Variants in EHHADH observed in about 807,000 individuals in gnomAD.
EHHADH encodes the protein enoyl-CoA hydratase and 3-hydroxyacyl CoA dehydrogenase, also known as peroxisomal bifunctional enzyme.
A neutral mutation model predicts 64.4 loss-of-function variants in EHHADH; 48 were observed. The observed-to-expected ratio is 0.75, with a 90% CI of 0.59 to 0.95. The LOEUF (loss-of-function observed/expected upper bound fraction) is 0.95, where lower values mean the gene tolerates loss of function less well. Among genes scored for constraint, EHHADH ranks in the 40% least tolerant of loss-of-function variants. The pLI is 0.00. For synonymous variants in EHHADH, 308 were observed against 326.7 expected, an observed-to-expected ratio of 0.94 and a Z score of 0.62; for missense variants, 854 against 876.6, an observed-to-expected ratio of 0.97 and a Z score of 0.33.
chr3:185,229,223 A>C (rs1006909792), intron 4 of EHHADH, among the ~76,000 whole-genome samples: 2 of 152,246 alleles, frequency 1.3e-5, no homozygotes, highest in African/African-American at 4.8e-5. Context: ...CTTTCATTTA[A>C]AAGGCTCTCA....
intron 3 of EHHADH, among the ~76,000 whole-genome samples, chr3:185,234,344 C>A (rs2108646421): frequency 6.6e-6 from 1 of 152,296 alleles, no homozygotes. Flanking sequence ...AAACAGAAAT[C>A]TTTGAGTTAT....
chr3:185,237,099 G>T (rs529893500), intron 2 of EHHADH, among the ~76,000 whole-genome samples: 2 of 152,214 alleles, frequency 1.3e-5, no homozygotes, highest in African/African-American at 4.8e-5. Flanking sequence ...ACAGCATAAG[G>T]TTAGTATGAT....
chr3:185,234,220 G>A (rs560893097), intron 3 of EHHADH, among the ~76,000 whole-genome samples: 82 of 152,190 alleles, frequency 5.4e-4, no homozygotes, highest in Non-Finnish European at 6.6e-4. Flanking sequence ...CATCTGACAT[G>A]TCTAACAGCC....
At chr3:185,204,132 CAAA>C (rs1220063126) in intron 6 of EHHADH, among the ~76,000 whole-genome samples, 178 of 30,504 alleles carry the variant, frequency 5.8e-3, no homozygotes, top group African/African-American at 0.016. Flanking sequence ...GACTCTGTCT[CAAA>C]AAAAAAAAAA....
At position 185,229,453 on chromosome 3, in the gene EHHADH, C is replaced by T; in HGVS notation, c.442G>A (p.Ala148Thr). The change falls in exon 4 of 7, where the codon GCA (alanine) becomes ACA (threonine). Residue 148 changes from alanine (A) to threonine (T), a missense_variant. Ala to Thr is a moderately conservative substitution (Grantham distance 58). Coordinates refer to ENST00000231887, the MANE Select transcript of EHHADH (RefSeq NM_001966.4). ...TGACCTGAGGTAATTAAGTCAAGTG[C>T]AGCAGGAACTCCAGTGAGTCTGGGG... is the stretch of plus-strand genomic sequence containing the variant. ...LLPRLTGVPA[A>T]LDLITSGRRI... The T allele has an allele frequency of 6.4e-7, 1 of 1,559,084 alleles. No individual in the cohort carries two copies.
chr3:185,221,601 G>T (rs1718836680), intron 4 of EHHADH, among the ~76,000 whole-genome samples: 1 of 143,742 alleles, frequency 7.0e-6, no homozygotes. Flanking sequence ...TTGAGATGGA[G>T]TCTCACTGTC....
chr3:185,224,496 G>GCGTC (rs1718919932), intron 4 of EHHADH, among the ~76,000 whole-genome samples: 1 of 103,664 alleles, frequency 9.6e-6, no homozygotes, highest in Non-Finnish European at 1.8e-5. Flanking sequence ...ATGAGACCCT[G>GCGTC]TCACCAAAAA....
intron 2 of EHHADH, chr3:185,246,490 GC>G (rs1019308591): frequency 2.7e-5 from 9 of 337,114 alleles, no homozygotes; most frequent in Non-Finnish European, 4.7e-5. Context: ...AGACAGGTCA[GC>G]CCCCAGGCCC....
intron 1 of EHHADH, chr3:185,253,703 C>A: frequency 1.2e-6 from 1 of 860,350 alleles, no homozygotes; most frequent in Non-Finnish European, 1.6e-6. Flanking sequence ...CCTCAGTTTC[C>A]TTATCAGTAA....
chr3:185,220,943 CTAA>C (rs1718816941), intron 4 of EHHADH, among the ~76,000 whole-genome samples: 1 of 152,164 alleles, frequency 6.6e-6, no homozygotes, highest in Admixed American at 6.5e-5. Context: ...GTGTATAATT[CTAA>C]TGTTAGCTTT....
At chr3:185,202,183 C>A (rs1182439948) in intron 6 of EHHADH, among the ~76,000 whole-genome samples, 2 of 152,014 alleles carry the variant, frequency 1.3e-5, no homozygotes, top group African/African-American at 2.4e-5. Context: ...ACTAAAAATA[C>A]AAAAATCAGC....
At chr3:185,225,994 C>G (rs1313305447) in intron 4 of EHHADH, among the ~76,000 whole-genome samples, 1 of 152,150 alleles carries the variant, frequency 6.6e-6, no homozygotes, top group Non-Finnish European at 1.5e-5. Context: ...GCACTTATCT[C>G]CACCTGTCTA....
rs1560008997 is a variant in EHHADH at position 185,204,596 on chromosome 3, GAT to G, written c.728_729del (p.Tyr243SerfsTer3). 6.2e-7 allele frequency: 1 copy of G among 1,614,216 alleles called. No individual in the cohort carries two copies. Among genetic ancestry groups the G allele is most frequent in the African/African-American group, 1.3e-5 (1 of 75,060 alleles). On this transcript the variant is annotated frameshift_variant, in exon 6 of 7. Coordinates refer to ENST00000231887, the MANE Select transcript of EHHADH (RefSeq NM_001966.4). LOFTEE classifies it high-confidence loss of function. ...CVRAVQAAVQ[Y>X]PYEVGIKKEE... ...TCCTTCTTGATGCCCACTTCATAGG[GAT>G]ACTGCACAGCAGCCTGGACTGCACG... is the stretch of plus-strand genomic sequence containing the variant.
chr3:185,210,917 T>A (rs1186633470), intron 5 of EHHADH, among the ~76,000 whole-genome samples: 2 of 152,182 alleles, frequency 1.3e-5, no homozygotes, highest in East Asian at 3.8e-4. Flanking sequence ...AATCCTATTA[T>A]CCCGGGGACA....
chr3:185,200,794 G>A (rs542486085), intron 6 of EHHADH, among the ~76,000 whole-genome samples: 22 of 152,252 alleles, frequency 1.4e-4, no homozygotes, highest in African/African-American at 4.6e-4. Flanking sequence ...GTGTGAGAAC[G>A]TGAACTTGCA....
chr3:185,204,569 C>T lies in EHHADH; in HGVS notation c.757G>A (p.Glu253Lys). Reference sequence around the variant, plus strand: ...TGCAAAAGATATAGAAACAGCTCCTCCTCCTTCTTGATGCCCACTTCATAG... The same window carrying T: ...TGCAAAAGATATAGAAACAGCTCCTTCTCCTTCTTGATGCCCACTTCATAG... ...YPYEVGIKKE[E>K]ELFLYLLQSG... Residue 253 changes from glutamate (E) to lysine (K), a missense_variant, in exon 6 of 7, where the codon GAG (glutamate) becomes AAG (lysine). Transcript: ENST00000231887. The T allele has an allele frequency of 6.2e-7, 1 of 1,614,252 alleles. No individual in the cohort carries two copies. The highest frequency in any genetic ancestry group is 8.5e-7 in the Non-Finnish European group (1 of 1,180,050).
rs529190433 is a variant in EHHADH, at chr3:185,216,830, A to G, written c.568+1306T>C. Among the ~76,000 whole-genome samples, 2 of 147,390 alleles carry G rather than the reference A, an allele frequency of 1.4e-5. No individual in the cohort carries two copies. Among genetic ancestry groups the G allele is most frequent in the South Asian group, 2.1e-4 (1 of 4,764 alleles). On this transcript the variant is annotated intron_variant, in intron 5 of 6. Coordinates refer to ENST00000231887, the MANE Select transcript of EHHADH (RefSeq NM_001966.4). The surrounding 1 kb of genome is among the most constrained non-coding windows in gnomAD (Gnocchi z 5.3). ...TGCCTGTAACGCAATACTCTTCCCA[A>G]TTATTTTTTTCTGGCTATTTTTACC... is the stretch of plus-strand genomic sequence containing the variant.
chr3:185,232,862 A>G (rs1195713901), intron 3 of EHHADH, among the ~76,000 whole-genome samples: 1 of 152,260 alleles, frequency 6.6e-6, no homozygotes, highest in Non-Finnish European at 1.5e-5. Flanking sequence ...AACAACTGTC[A>G]ATCAAGAATT....
intron 5 of EHHADH, among the ~76,000 whole-genome samples, chr3:185,210,857 T>C (rs1438665690): frequency 2.0e-5 from 3 of 151,954 alleles, no homozygotes; most frequent in Non-Finnish European, 4.4e-5. Flanking sequence ...AAAACTGAAA[T>C]GAAAAGAAAG....
Sources: gnomAD v4.1 joint callset for allele counts (sites outside exome capture counted in the v4.1 genomes callset) on GRCh38, gnomAD v4.1.1 for gene constraint, Gnocchi (gnomAD v3.1) non-coding constraint, MANE v1.5 for transcripts, NCBI Gene and HGNC (gene_info 2026-07-23, HGNC 2026-07-21) for gene names.